The following SLC23A2 variants were observed in gnomAD, a reference collection of about 807,000 sequenced individuals.
SLC23A2 encodes Na(+)/L-ascorbic acid transporter 2.
Under a neutral mutation model 73.3 loss-of-function variants are expected in SLC23A2, and 36 were observed. The ratio of observed to expected loss-of-function variants is 0.49; its 90% CI spans 0.38 to 0.65. The LOEUF (loss-of-function observed/expected upper bound fraction) is 0.65, where lower values mean the gene tolerates loss of function less well. SLC23A2 is among the 30% of genes least tolerant of loss of function. The probability of loss-of-function intolerance (pLI) is 0.00; values close to 1 mark genes in which losing one functional copy is unlikely to be tolerated. For synonymous variants in SLC23A2, 343 were observed against 327.3 expected (o/e 1.05, Z -0.52); for missense variants, 507 against 841.6 (o/e 0.60, Z 4.92).
intron 2 of SLC23A2, among the ~76,000 whole-genome samples, chr20:4,937,843 T>C (rs74744762): frequency 6.6e-6 from 1 of 152,126 alleles, no homozygotes. Flanking sequence ...CTTGTGATTT[T>C]TGAGGGGGCA....
intron 1 of SLC23A2, among the ~76,000 whole-genome samples, chr20:4,999,051 C>T (rs1338255171): frequency 1.3e-5 from 2 of 152,066 alleles, no homozygotes; most frequent in Non-Finnish European, 1.5e-5. Context: ...GCGACCTGCC[C>T]GCCTCAGCCT....
At chr20:4,869,540 G>A in intron 12 of SLC23A2, 1 of 165,406 alleles carries the variant, frequency 6.0e-6, no homozygotes, top group East Asian at 1.6e-4. Flanking sequence ...ATCTCCAAAT[G>A]ACACACACAC....
intron 4 of SLC23A2, among the ~76,000 whole-genome samples, chr20:4,908,386 G>T (rs1932029392): frequency 6.6e-6 from 1 of 152,092 alleles, no homozygotes; most frequent in Non-Finnish European, 1.5e-5. Context: ...ACGAAAAATT[G>T]TTCCAGATTA....
intron 4 of SLC23A2, among the ~76,000 whole-genome samples, chr20:4,911,581 T>G (rs912796066): frequency 3.3e-5 from 5 of 152,228 alleles, no homozygotes; most frequent in African/African-American, 1.2e-4. Context: ...TATAATACAG[T>G]GGTTCCAGAA....
intron 1 of SLC23A2, among the ~76,000 whole-genome samples, chr20:4,997,900 G>A (rs543620415): frequency 6.6e-6 from 1 of 152,210 alleles, no homozygotes; most frequent in East Asian, 1.9e-4. Context: ...GGGATTACAG[G>A]TGTGACCAAC....
intron 1 of SLC23A2, among the ~76,000 whole-genome samples, chr20:4,974,786 GTGTTTT>G (rs573579194): frequency 4.6e-5 from 7 of 152,080 alleles, no homozygotes; most frequent in East Asian, 1.9e-4. Context: ...TATTTTTTCA[GTGTTTT>G]TGTTTTTGTT....
At chr20:4,963,713 T>C (rs72550900) in intron 2 of SLC23A2, among the ~76,000 whole-genome samples, 1 of 152,028 alleles carries the variant, frequency 6.6e-6, no homozygotes, top group South Asian at 2.1e-4. Context: ...CCAGGCATGA[T>C]GGCACACACC....
chr20:4,893,696 A>G (rs1337133092), intron 6 of SLC23A2, among the ~76,000 whole-genome samples: 1 of 152,174 alleles, frequency 6.6e-6, no homozygotes, highest in East Asian at 1.9e-4. Flanking sequence ...ACCAGCTACA[A>G]TGACTCTCTT....
chr20:4,895,562 A>G (rs903890893), intron 6 of SLC23A2, among the ~76,000 whole-genome samples: 4 of 152,254 alleles, frequency 2.6e-5, no homozygotes, highest in African/African-American at 9.6e-5. Flanking sequence ...TAGGCGAAAT[A>G]TATCATTCCC....
At chr20:4,930,396 C>T (rs1320362606) in intron 3 of SLC23A2, among the ~76,000 whole-genome samples, 1 of 152,052 alleles carries the variant, frequency 6.6e-6, no homozygotes, top group Non-Finnish European at 1.5e-5. Context: ...CAAAATTTTT[C>T]ATTATAGGAA....
rs540548338 is a variant in SLC23A2 at position 4,872,572 on chromosome 20, C to T, written c.1102+1364G>A. Among the ~76,000 whole-genome samples, 2 of 152,240 alleles carry T rather than the reference C, an allele frequency of 1.3e-5. No homozygotes were observed. The highest frequency in any genetic ancestry group is 4.8e-5 in the African/African-American group (2 of 41,542). On this transcript the variant is annotated intron_variant, in intron 11 of 16. Coordinates refer to ENST00000338244, the MANE Select transcript of SLC23A2 (RefSeq NM_005116.6). The surrounding 1 kb of genome is among the most constrained non-coding windows in gnomAD (Gnocchi z 4.4). Reference sequence around the variant, plus strand: ...GACCACCTTGTATACGCTGTGGGGGCTTCTACCTACCTGCCACCCCCGCCT... The same window carrying T: ...GACCACCTTGTATACGCTGTGGGGGTTTCTACCTACCTGCCACCCCCGCCT...
At chr20:5,006,128 C>T (rs2088188429), upstream of SLC23A2, among the ~76,000 whole-genome samples, 1 of 152,046 alleles carries the variant, frequency 6.6e-6, no homozygotes, top group Non-Finnish European at 1.5e-5. Context: ...GATGGAGTCT[C>T]ACTCTGTCGC....
At chr20:5,001,987 CT>C (rs2088135103), upstream of SLC23A2, among the ~76,000 whole-genome samples, 1 of 152,062 alleles carries the variant, frequency 6.6e-6, no homozygotes, top group South Asian at 2.1e-4. Flanking sequence ...AGAAGAAGTC[CT>C]TCTTACCTCA....
rs1930561383 is a variant in SLC23A2, at chr20:4,874,094, T to C, written c.946-2A>G. The C allele has an allele frequency of 6.2e-7, 1 of 1,612,400 alleles. No individual in the cohort carries two copies. Among genetic ancestry groups the C allele is most frequent in the African/African-American group, 1.3e-5 (1 of 74,818 alleles). ...GGATACCAGGATGGCCAGGATGATC[T>C]GGAGTGGTCAAGGGGAAGCTCTGTC... On this transcript the variant is annotated splice_acceptor_variant, in intron 10 of 16. Transcript: ENST00000338244. LOFTEE classifies it high-confidence loss of function.
At chr20:4,929,137 G>A (rs375015788) in intron 3 of SLC23A2, among the ~76,000 whole-genome samples, 7 of 151,870 alleles carry the variant, frequency 4.6e-5, no homozygotes, top group East Asian at 1.9e-4. Context: ...CCAGTAGCAC[G>A]TACCTGCAGT....
chr20:4,971,618 CAAAAAAA>C (rs944620433), intron 1 of SLC23A2, among the ~76,000 whole-genome samples: 1 of 60,116 alleles, frequency 1.7e-5, no homozygotes, highest in Non-Finnish European at 3.9e-5. Flanking sequence ...CTTGTCTCTA[CAAAAAAA>C]AAAAAAAAAA....
At chr20:4,859,240 A>G (rs773967032) in intron 16 of SLC23A2, 49 bp downstream of exon 16, 1 of 1,063,996 alleles carries the variant, frequency 9.4e-7, no homozygotes, top group Non-Finnish European at 1.4e-6. Context: ...AGTAACACAT[A>G]TGTTAAAAAA....
rs1277228974 is a variant in SLC23A2 at position 4,854,332 on chromosome 20, C to A, written c.*2640G>T. ...GCAGATGAATACATTCTTTTTCTTT[C>A]AATTACAAACTTTCATTCTGTAGCA... On this transcript the variant is annotated 3_prime_UTR_variant, in exon 17 of 17. Transcript: ENST00000338244. 6.6e-6 allele frequency: 1 copy of A among 152,104 alleles called. No individual in the cohort carries two copies. The highest frequency in any genetic ancestry group is 2.4e-5 in the African/African-American group (1 of 41,412). 9.4% of individuals were successfully genotyped at this position (152,104 alleles called of 1,614,324 possible). A position where few individuals can be genotyped will look rare whatever the true frequency, so the allele number is the denominator to read the frequency against.
At chr20:4,926,016 T>C (rs1487688665) in intron 3 of SLC23A2, among the ~76,000 whole-genome samples, 2 of 152,196 alleles carry the variant, frequency 1.3e-5, no homozygotes, top group African/African-American at 4.8e-5. Context: ...GGTTACCAGG[T>C]ATGTGCACCA....
Sources: gnomAD v4.1 joint callset for allele counts (sites outside exome capture counted in the v4.1 genomes callset) on GRCh38, gnomAD v4.1.1 for gene constraint, Gnocchi (gnomAD v3.1) non-coding constraint, MANE v1.5 for transcripts, NCBI Gene and HGNC (gene_info 2026-07-23, HGNC 2026-07-21) for gene names.